FNDC3A: variants seen among roughly 807,000 people sequenced by gnomAD.
FNDC3A encodes fibronectin type III domain containing 3A.
A neutral mutation model predicts 148.9 loss-of-function variants in FNDC3A; 32 were observed. That is an observed-to-expected ratio of 0.21 (90% CI 0.16 to 0.29). The LOEUF (loss-of-function observed/expected upper bound fraction) is 0.29, where lower values mean the gene tolerates loss of function less well. FNDC3A is among the 10% of genes least tolerant of loss of function. The pLI, the probability that FNDC3A is intolerant of heterozygous loss-of-function variation, is 1.00. For missense variants in FNDC3A, 1,191 were observed against 1,452.8 expected, an observed-to-expected ratio of 0.82 and a Z score of 2.93; for synonymous variants, 472 against 473.6, an observed-to-expected ratio of 1.00 and a Z score of 0.04.
intron 4 of FNDC3A, among the ~76,000 whole-genome samples, chr13:49,127,360 A>G (rs1341543901): frequency 6.6e-6 from 1 of 152,180 alleles, no homozygotes; most frequent in African/African-American, 2.4e-5. Flanking sequence ...GCAGCAGAAC[A>G]TTTTAAAATT....
At chr13:49,177,093 C>T (rs1434656485) in intron 13 of FNDC3A, among the ~76,000 whole-genome samples, 1 of 152,174 alleles carries the variant, frequency 6.6e-6, no homozygotes, top group Non-Finnish European at 1.5e-5. Flanking sequence ...CCACTGTGCC[C>T]AGCCTGAAAA....
intron 1 of FNDC3A, among the ~76,000 whole-genome samples, chr13:48,983,887 C>A (rs112674903): frequency 6.6e-6 from 1 of 151,812 alleles, no homozygotes. Flanking sequence ...AAATAATTAA[C>A]CTGTAAATAA....
At chr13:49,189,164 ATT>A (rs796199280) in intron 17 of FNDC3A, among the ~76,000 whole-genome samples, 2 of 108,706 alleles carry the variant, frequency 1.8e-5, no homozygotes, top group African/African-American at 3.6e-5. Context: ...TTAATGAGTG[ATT>A]TTTTTTTTTT....
chr13:49,145,107 C>G (rs1279373206), intron 7 of FNDC3A, among the ~76,000 whole-genome samples: 2 of 151,768 alleles, frequency 1.3e-5, no homozygotes, highest in Admixed American at 1.3e-4. Flanking sequence ...TAGGATATTA[C>G]CCTGAAAAAA....
intron 1 of FNDC3A, among the ~76,000 whole-genome samples, chr13:48,990,617 C>T (rs1013702566): frequency 8.2e-6 from 1 of 122,384 alleles, no homozygotes; most frequent in Non-Finnish European, 1.7e-5. Context: ...AAAAAATTAG[C>T]CAGGCATGGT....
intron 1 of FNDC3A, among the ~76,000 whole-genome samples, chr13:48,986,019 A>G (rs1272648450): frequency 6.6e-6 from 1 of 152,104 alleles, no homozygotes; most frequent in East Asian, 1.9e-4. Context: ...GAAGCTTCCC[A>G]GTTGGTGTCT....
At chr13:49,159,904 A>G (rs975889170) in intron 8 of FNDC3A, among the ~76,000 whole-genome samples, 1 of 152,212 alleles carries the variant, frequency 6.6e-6, no homozygotes, top group African/African-American at 2.4e-5. Context: ...GGTTCTATTT[A>G]TATGATGGAT....
chr13:49,001,340 C>G (rs565926344), intron 1 of FNDC3A, among the ~76,000 whole-genome samples: 16 of 152,212 alleles, frequency 1.1e-4, no homozygotes, highest in African/African-American at 3.9e-4. Context: ...GGATGTATGT[C>G]GCCTCAGGAC....
intron 2 of FNDC3A, among the ~76,000 whole-genome samples, chr13:49,018,383 G>C (rs979047961): frequency 1.3e-5 from 2 of 151,998 alleles, no homozygotes; most frequent in Non-Finnish European, 2.9e-5. Context: ...CTTTCTTCCA[G>C]TTGATCGCAT....
At chr13:49,144,001 ACT>A (rs1175529865) in intron 7 of FNDC3A, among the ~76,000 whole-genome samples, 6 of 149,682 alleles carry the variant, frequency 4.0e-5, no homozygotes, top group African/African-American at 1.5e-4. Context: ...TACTACTACT[ACT>A]ACTACTACTG....
intron 2 of FNDC3A, among the ~76,000 whole-genome samples, chr13:49,036,981 C>T (rs1458340129): frequency 6.6e-6 from 1 of 152,104 alleles, no homozygotes; most frequent in East Asian, 1.9e-4. Context: ...AGGAGTAGAA[C>T]AGATGGATAT....
rs1307910910 is a variant in FNDC3A at position 49,078,816 on chromosome 13, G to C, written c.175+3452G>C. Among the ~76,000 whole-genome samples the C allele has an allele frequency of 3.9e-5, 6 of 152,292 alleles. No homozygotes were observed. In the East Asian group the frequency reaches 9.6e-4, roughly 24 times the overall value. On this transcript the variant is annotated intron_variant, in intron 3 of 25. Coordinates refer to ENST00000492622, the MANE Select transcript of FNDC3A (RefSeq NM_001079673.2). ...TAGAAGTGGAGGCAACAGATAACAA[G>C]GAGAAAGAGAAATTAAGGGAAGAAA...
intron 8 of FNDC3A, among the ~76,000 whole-genome samples, chr13:49,150,392 G>T (rs1227064303): frequency 6.6e-6 from 1 of 152,076 alleles, no homozygotes; most frequent in Non-Finnish European, 1.5e-5. Context: ...TTTTAATGTA[G>T]ACATTTATTG....
intron 10 of FNDC3A, 126 bp from the exon 11 acceptor site, chr13:49,171,917 C>T: frequency 1.6e-6 from 1 of 625,402 alleles, no homozygotes; most frequent in Non-Finnish European, 2.8e-6. Flanking sequence ...TTTTTATGAA[C>T]ATTTTCGCAG....
chr13:49,152,680 C>T (rs1022304334), intron 8 of FNDC3A, among the ~76,000 whole-genome samples: 1 of 149,912 alleles, frequency 6.7e-6, no homozygotes, highest in Non-Finnish European at 1.5e-5. Flanking sequence ...ACCCCCACCC[C>T]ACCACAGTCC....
intron 16 of FNDC3A, among the ~76,000 whole-genome samples, chr13:49,187,995 A>T (rs927132273): frequency 1.3e-5 from 2 of 152,206 alleles, no homozygotes; most frequent in Non-Finnish European, 2.9e-5. Flanking sequence ...TTATATACAG[A>T]TATATCAGAG....
chr13:48,982,223 A>G (rs1478511963), intron 1 of FNDC3A, among the ~76,000 whole-genome samples: 2 of 151,986 alleles, frequency 1.3e-5, no homozygotes, highest in Non-Finnish European at 2.9e-5. Flanking sequence ...AAAATTCATA[A>G]TTTGCGATTT....
At chr13:49,060,386 G>A (rs574546796) in intron 2 of FNDC3A, among the ~76,000 whole-genome samples, 1 of 152,172 alleles carries the variant, frequency 6.6e-6, no homozygotes, top group Non-Finnish European at 1.5e-5. Flanking sequence ...GCTCATGCCT[G>A]TAATCCCAGC....
At chr13:49,008,180 A>T (rs994043999) in intron 2 of FNDC3A, among the ~76,000 whole-genome samples, 2 of 152,204 alleles carry the variant, frequency 1.3e-5, no homozygotes, top group African/African-American at 4.8e-5. Context: ...ATAAATAGAG[A>T]TAGTTATAAT....
Sources: allele counts gnomAD v4.1 joint callset (sites outside exome capture counted in the v4.1 genomes callset), GRCh38; gene constraint gnomAD v4.1.1; transcripts MANE v1.5; gene names NCBI Gene and HGNC (gene_info 2026-07-23, HGNC 2026-07-21).